The following WRN variants were observed in gnomAD, a reference collection of about 807,000 sequenced individuals.
WRN encodes the protein WRN RecQ like helicase, also known as bifunctional 3'-5' exonuclease/ATP-dependent helicase WRN.
In WRN, 149 loss-of-function variants were observed where a neutral mutation model predicts 180.7. The observed-to-expected ratio is 0.82, with a 90% CI of 0.72 to 0.94. The LOEUF (loss-of-function observed/expected upper bound fraction) is 0.94. WRN is among the 40% of genes least tolerant of loss of function. WRN has a pLI of 0.00. For missense variants in WRN, 1,661 were observed against 1,700.1 expected (o/e 0.98, Z 0.40); for synonymous variants, 548 against 568.9 (o/e 0.96, Z 0.52).
Position 31,064,394 on chromosome 8 carries a change from T to C in WRN, c.315T>C (p.Ser105=), listed in dbSNP as rs758873256. 1.2e-6 allele frequency: 2 copies of C among 1,614,052 alleles called. No individual in the cohort carries two copies. The highest frequency in any genetic ancestry group is 1.7e-6 in the Non-Finnish European group (2 of 1,180,032). The change falls in exon 4 of 35, where the codon TCT becomes TCC. Residue 105 remains serine, a synonymous_variant. Transcript: ENST00000298139. ...GKVALIQLCV[S]ESKCYLFHVS... ...TTGCACTAATTCAGTTGTGTGTTTC[T>C]GAGAGCAAATGTTACTTGTTCCACG...
intron 10 of WRN, 99 bp from the exon 11 acceptor site, chr8:31,085,067 C>G: frequency 9.9e-7 from 1 of 1,014,828 alleles, no homozygotes; most frequent in South Asian, 1.5e-5. Flanking sequence ...GAAGAGGAAG[C>G]TGTCTAAAGA....
At chr8:31,090,388 A>T in intron 13 of WRN, 77 bp from the exon 14 acceptor site, 1 of 1,399,332 alleles carries the variant, frequency 7.1e-7, no homozygotes. Flanking sequence ...AGGAAATGAA[A>T]AATTGAATGG....
At chr8:31,038,093 A>G (rs1563316358) in intron 1 of WRN, among the ~76,000 whole-genome samples, 1 of 151,748 alleles carries the variant, frequency 6.6e-6, no homozygotes, top group Admixed American at 6.6e-5. Context: ...CCTATTTTCA[A>G]TTCTTTTGGG....
intron 2 of WRN, 119 bp from the exon 3 acceptor site, chr8:31,059,034 A>G (rs1812382404): frequency 2.5e-6 from 2 of 809,550 alleles, no homozygotes; most frequent in Non-Finnish European, 4.3e-6. Flanking sequence ...AGTTTATAAA[A>G]CATTAATTGA....
intron 34 of WRN, among the ~76,000 whole-genome samples, chr8:31,170,078 G>T (rs1267340874): frequency 6.6e-6 from 1 of 152,042 alleles, no homozygotes; most frequent in Non-Finnish European, 1.5e-5. Context: ...GCTTTCTCCC[G>T]TACAGATGTC....
At chr8:31,063,644 G>A (rs949883310) in intron 3 of WRN, among the ~76,000 whole-genome samples, 3 of 152,198 alleles carry the variant, frequency 2.0e-5, no homozygotes, top group African/African-American at 4.8e-5. Context: ...GTGAAATCAC[G>A]TAGACTTAGT....
intron 27 of WRN, 24 bp from the exon 28 acceptor site, chr8:31,143,526 G>T: frequency 1.3e-6 from 2 of 1,485,488 alleles, no homozygotes; most frequent in Admixed American, 1.9e-5. Context: ...TTTTTTTAAT[G>T]GACCTTTATA....
At chr8:31,085,276 CA>C in intron 11 of WRN, 30 bp downstream of exon 11, 17 of 1,610,414 alleles carry the variant, frequency 1.1e-5, no homozygotes, top group Non-Finnish European at 1.4e-5. Context: ...AACATTACTT[CA>C]AGTTCTTTCC....
At chr8:31,133,249 G>A (rs769032556) in intron 24 of WRN, among the ~76,000 whole-genome samples, 67 of 152,236 alleles carry the variant, frequency 4.4e-4, no homozygotes, top group Admixed American at 1.2e-3. Flanking sequence ...AATAAATCAA[G>A]AGCAAGAGAT....
rs11574415 is a variant in WRN, at chr8:31,173,672, A to G, written c.*570A>G. The G allele has an allele frequency of 0.028, 4,765 of 167,360 alleles. 231 individuals carry two copies. The highest frequency in any genetic ancestry group is 0.11 in the African/African-American group (4,445 of 42,074). The allele number at this position is 167,360 out of a possible 1,614,324, so 10.4% of individuals were successfully genotyped here. On this transcript the variant is annotated 3_prime_UTR_variant, in exon 35 of 35. Coordinates refer to ENST00000298139, the MANE Select transcript of WRN (RefSeq NM_000553.6). ...TGTAAAAAATGTAAAATGGAGACCAATTGCACTAGGCAAGTGTATATTTTG... is the reference window on the plus strand; with the variant it reads ...TGTAAAAAATGTAAAATGGAGACCAGTTGCACTAGGCAAGTGTATATTTTG...
intron 30 of WRN, among the ~76,000 whole-genome samples, chr8:31,149,455 G>GTTTTTTTTTTTTTT (rs71208105): frequency 9.6e-5 from 5 of 51,988 alleles, no homozygotes; most frequent in African/African-American, 3.1e-4. Flanking sequence ...TAATAGAGGT[G>GTTTTTTTTTTTTTT]TTTTTTTTTT....
intron 3 of WRN, among the ~76,000 whole-genome samples, chr8:31,062,830 A>T (rs1441751513): frequency 6.6e-6 from 1 of 150,492 alleles, no homozygotes; most frequent in Admixed American, 6.6e-5. Flanking sequence ...AGTTTTGTGC[A>T]TTTTTTTTTC....
intron 4 of WRN, 47 bp from the exon 5 acceptor site, chr8:31,064,868 C>T (rs2130035404): frequency 6.2e-7 from 1 of 1,601,432 alleles, no homozygotes; most frequent in South Asian, 1.1e-5. Context: ...GGACATAAAT[C>T]CATCATACTT....
intron 7 of WRN, among the ~76,000 whole-genome samples, chr8:31,072,946 A>G (rs1217383295): frequency 6.6e-6 from 1 of 152,130 alleles, no homozygotes; most frequent in Non-Finnish European, 1.5e-5. Flanking sequence ...GAGGAACAGT[A>G]CCTATAACTG....
intron 5 of WRN, 109 bp downstream of exon 5, chr8:31,065,172 TG>T: frequency 1.7e-6 from 2 of 1,162,322 alleles, no homozygotes; most frequent in Middle Eastern, 5.9e-4. Context: ...TGTTATATAA[TG>T]TTTTTGTAGC....
At chr8:31,091,067 T>G in intron 15 of WRN, 125 bp downstream of exon 15, 1 of 784,244 alleles carries the variant, frequency 1.3e-6, no homozygotes. Flanking sequence ...TTGCTTTATC[T>G]TTATTGGTAA....
intron 18 of WRN, among the ~76,000 whole-genome samples, chr8:31,105,751 C>T (rs184853923): frequency 1.1e-4 from 16 of 152,274 alleles, no homozygotes; most frequent in South Asian, 2.1e-4. Context: ...TGAGCCACCA[C>T]GTCCAGCCTA....
intron 34 of WRN, among the ~76,000 whole-genome samples, chr8:31,169,252 A>G (rs1234709707): frequency 1.3e-5 from 2 of 150,648 alleles, no homozygotes; most frequent in African/African-American, 2.4e-5. Flanking sequence ...ACATAATTGT[A>G]TTTATTTCTG....
At position 31,087,811 on chromosome 8, in the gene WRN, A is replaced by T. The variant is rs2130155790; in HGVS notation, c.1467A>T (p.Pro489=). 3 of 1,613,790 alleles carry T rather than the reference A, an allele frequency of 1.9e-6. No individual in the cohort carries two copies. In the South Asian group the frequency reaches 3.3e-5, roughly 18 times the overall value. The change falls in exon 12 of 35, where the codon CCA becomes CCT. Residue 489 remains proline, a synonymous_variant. Coordinates refer to ENST00000298139, the MANE Select transcript of WRN (RefSeq NM_000553.6). ...ACCTCAATAGTGGCACGGTAGAACC[A>T]ACTCATTCTAAATGCTTAAAAATGG... The part of the protein sequence containing the change: ...LENLNSGTVE[P]THSKCLKMER...
Sources: allele counts gnomAD v4.1 joint callset (sites outside exome capture counted in the v4.1 genomes callset), GRCh38; gene constraint gnomAD v4.1.1; transcripts MANE v1.5; gene names NCBI Gene and HGNC (gene_info 2026-07-23, HGNC 2026-07-21).